Variants in POC1B observed in about 807,000 individuals in gnomAD.
The protein encoded by POC1B is POC1 centriolar protein homolog B.
In POC1B, 44 loss-of-function variants were observed where a neutral mutation model predicts 60.6. The observed-to-expected ratio is 0.73, with a 90% CI of 0.57 to 0.93. The LOEUF is 0.93. POC1B is among the 40% of genes least tolerant of loss of function. POC1B has a pLI of 0.00. For missense variants in POC1B, 555 were observed against 572.3 expected (o/e 0.97, Z 0.31); for synonymous variants, 180 against 198.9 (o/e 0.90, Z 0.80).
chr12:89,493,091 A>T (rs773821638), intron 3 of POC1B, among the ~76,000 whole-genome samples: 5 of 152,114 alleles, frequency 3.3e-5, no homozygotes, highest in South Asian at 4.1e-4. Context: ...CTCACACTGA[A>T]CTTTGTACTC....
At chr12:89,426,533 A>T (rs1880772487) in intron 10 of POC1B, 1 of 152,218 alleles carries the variant, frequency 6.6e-6, no homozygotes, top group South Asian at 2.1e-4. Context: ...AAAAGTTAAC[A>T]AAAGAAATGT....
chr12:89,472,182 G>A lies in POC1B; in HGVS notation c.546C>T (p.Phe182=), dbSNP rs1302947023. The A allele has an allele frequency of 6.3e-7, 1 of 1,586,354 alleles. No homozygotes were observed. Among genetic ancestry groups the A allele is most frequent in the South Asian group, 1.1e-5 (1 of 89,360 alleles). ...AGTGTACTTACCCAACGGAATCTGA[G>A]AAGTTATTAACACATTGCTTATTTG... ...DTTNKQCVNN[F]SDSVGFANFV... Residue 182 remains phenylalanine (F), a synonymous_variant, in exon 5 of 12, where the codon TTC becomes TTT. Transcript: ENST00000313546.
chr12:89,440,088 G>A (rs549098289), intron 10 of POC1B, among the ~76,000 whole-genome samples: 4 of 152,242 alleles, frequency 2.6e-5, no homozygotes, highest in South Asian at 2.1e-4. Context: ...TGTCCGACAC[G>A]TTCATTTTTG....
intron 10 of POC1B, among the ~76,000 whole-genome samples, chr12:89,442,816 A>C (rs1881587149): frequency 6.6e-6 from 1 of 152,240 alleles, no homozygotes; most frequent in Non-Finnish European, 1.5e-5. Flanking sequence ...GGCAAATTGG[A>C]TAAAGAGTCA....
chr12:89,519,577 C>A (rs1030302737), intron 2 of POC1B: 5 of 152,484 alleles, frequency 3.3e-5, no homozygotes, highest in African/African-American at 1.2e-4. Flanking sequence ...ATTATTAAAA[C>A]AGGAATTCAA....
At chr12:89,478,682 A>G (rs1467454684) in intron 4 of POC1B, among the ~76,000 whole-genome samples, 4 of 152,256 alleles carry the variant, frequency 2.6e-5, no homozygotes, top group African/African-American at 7.2e-5. Flanking sequence ...ACCTAATGCC[A>G]CAGAACTGTA....
the POC1B span, among the ~76,000 whole-genome samples, chr12:89,407,584 C>A: frequency 7.7e-3 from 1,172 of 152,206 alleles, 14 homozygotes; most frequent in African/African-American, 0.026. Context: ...ATTTGAAAAC[C>A]AAAACAAATC....
intron 4 of POC1B, among the ~76,000 whole-genome samples, chr12:89,490,963 G>A (rs1002132046): frequency 1.3e-5 from 2 of 152,074 alleles, no homozygotes; most frequent in African/African-American, 2.4e-5. Flanking sequence ...CCCTGCTTCT[G>A]GCCTGGCTTT....
chr12:89,403,533 T>C, the POC1B span, among the ~76,000 whole-genome samples: 1 of 152,314 alleles, frequency 6.6e-6, no homozygotes, highest in Admixed American at 6.5e-5. Context: ...CTGATATTTC[T>C]GAGAGTTTTT....
chr12:89,462,861 T>A (rs1592603465), intron 9 of POC1B, among the ~76,000 whole-genome samples: 2 of 152,108 alleles, frequency 1.3e-5, no homozygotes, highest in Admixed American at 6.6e-5. Context: ...CTTAGAACAG[T>A]CTTGTATAAC....
At chr12:89,500,043 T>G (rs1869471884) in intron 2 of POC1B, 8 of 1,179,926 alleles carry the variant, frequency 6.8e-6, no homozygotes, top group Non-Finnish European at 9.9e-6. Flanking sequence ...AGCTGTGGTC[T>G]GTGTGGGCTT....
At chr12:89,412,843 CT>C in the POC1B span, among the ~76,000 whole-genome samples, 19 of 126,166 alleles carry the variant, frequency 1.5e-4, no homozygotes, top group African/African-American at 6.8e-4. Flanking sequence ...TCCTTCCTTC[CT>C]TCCTTTCCTT....
At chr12:89,449,253 G>A (rs1381175364) in intron 10 of POC1B, among the ~76,000 whole-genome samples, 1 of 152,084 alleles carries the variant, frequency 6.6e-6, no homozygotes, top group South Asian at 2.1e-4. Context: ...CCCCTTTAAG[G>A]CTAATTTGTG....
chr12:89,412,398 G>C, the POC1B span, among the ~76,000 whole-genome samples: 757 of 147,368 alleles, frequency 5.1e-3, 12 homozygotes, highest in African/African-American at 0.018. Flanking sequence ...TTTAATGTAG[G>C]CCAGGCGCAG....
At chr12:89,495,250 C>T (rs1869186306) in intron 3 of POC1B, among the ~76,000 whole-genome samples, 1 of 152,332 alleles carries the variant, frequency 6.6e-6, no homozygotes, top group Admixed American at 6.5e-5. Context: ...TAAAGGGAGA[C>T]TGAAGTTATG....
intron 2 of POC1B, among the ~76,000 whole-genome samples, chr12:89,504,929 A>T (rs1351531514): frequency 6.6e-6 from 1 of 152,052 alleles, no homozygotes; most frequent in Non-Finnish European, 1.5e-5. Context: ...ACATAATGAG[A>T]CTCCATCTCT....
intron 2 of POC1B, among the ~76,000 whole-genome samples, chr12:89,505,313 T>C (rs1173992090): frequency 2.6e-5 from 4 of 152,188 alleles, no homozygotes; most frequent in Non-Finnish European, 4.4e-5. Flanking sequence ...ATTCAGCAAT[T>C]CCACTTCTAG....
chr12:89,418,972 G>A (rs1880421333), downstream of POC1B, among the ~76,000 whole-genome samples: 1 of 152,158 alleles, frequency 6.6e-6, no homozygotes, highest in Non-Finnish European at 1.5e-5. Flanking sequence ...GGTGGGAAAT[G>A]AAGGTGGTAA....
Position 89,425,160 on chromosome 12 carries a change from C to A in POC1B, c.1332+1G>T, listed in dbSNP as rs112079733. On this transcript the variant is annotated splice_donor_variant, in intron 11 of 11. Coordinates refer to ENST00000313546, the MANE Select transcript of POC1B (RefSeq NM_172240.3). LOFTEE classifies it high-confidence loss of function. ...ACTCATGCAACCTGTGTCATGCCCACCTGTGTCAAAACATTGAGTTGTTCC... is the reference window on the plus strand; with the variant it reads ...ACTCATGCAACCTGTGTCATGCCCAACTGTGTCAAAACATTGAGTTGTTCC... The A allele has an allele frequency of 6.2e-7, 1 of 1,613,910 alleles. No individual in the cohort carries two copies. The highest frequency in any genetic ancestry group is 1.3e-5 in the African/African-American group (1 of 75,042).
Sources: allele counts gnomAD v4.1 joint callset (sites outside exome capture counted in the v4.1 genomes callset), GRCh38; gene constraint gnomAD v4.1.1; transcripts MANE v1.5; gene names NCBI Gene and HGNC (gene_info 2026-07-23, HGNC 2026-07-21).